Variants in PHACTR2 observed in about 807,000 individuals in gnomAD.
PHACTR2 encodes the protein phosphatase and actin regulator 2, also known as chromosome 6 open reading frame 56.
PHACTR2 carries 30 observed loss-of-function variants against 76.0 expected under a neutral mutation model. The observed-to-expected ratio is 0.39, with a 90% confidence interval of 0.30 to 0.54. PHACTR2 has a LOEUF of 0.54. PHACTR2 is among the 20% of genes least tolerant of loss of function. The probability of loss-of-function intolerance (pLI) is 0.61; values close to 1 mark genes in which losing one functional copy is unlikely to be tolerated. For synonymous variants in PHACTR2, 292 were observed against 292.5 expected (o/e 1.00, Z 0.02); for missense variants, 696 against 781.1 (o/e 0.89, Z 1.30).
intron 1 of PHACTR2, among the ~76,000 whole-genome samples, chr6:143,706,574 A>G (rs1778059272): frequency 6.6e-6 from 1 of 152,146 alleles, no homozygotes; most frequent in Non-Finnish European, 1.5e-5. Flanking sequence ...CCACTCCCGT[A>G]CTTCCTTGTT....
intron 1 of PHACTR2, among the ~76,000 whole-genome samples, chr6:143,682,936 G>A (rs1777430987): frequency 6.6e-6 from 1 of 152,118 alleles, no homozygotes; most frequent in Admixed American, 6.5e-5. Context: ...TGCCTCTATT[G>A]AGGTGATCAT....
chr6:143,732,131 C>A (rs558867441), intron 2 of PHACTR2, among the ~76,000 whole-genome samples: 4 of 152,296 alleles, frequency 2.6e-5, no homozygotes, highest in South Asian at 4.1e-4. Context: ...AATTAAATGG[C>A]CTTGTTGACA....
rs1257730174 is a variant in PHACTR2, at chr6:143,628,950, T to G, written c.13+20628T>G. Among the ~76,000 whole-genome samples, 21 of 53,694 alleles carry G rather than the reference T, an allele frequency of 3.9e-4. 1 individual carries two copies. The highest frequency in any genetic ancestry group is 1.9e-3 in the South Asian group (4 of 2,114). 35.2% of individuals were successfully genotyped at this position (53,694 alleles called of 152,430 possible). A position where few individuals can be genotyped will look rare whatever the true frequency, so the allele number is the denominator to read the frequency against. ...ATATATATATATATATATATATATA[T>G]ATATATATATATATATATATATATA... On this transcript the variant is annotated intron_variant, in intron 1 of 11. Transcript: ENST00000305766.
intron 1 of PHACTR2, among the ~76,000 whole-genome samples, chr6:143,701,142 T>C (rs1777902858): frequency 6.6e-6 from 1 of 152,252 alleles, no homozygotes; most frequent in African/African-American, 2.4e-5. Flanking sequence ...ATGTTGTTCA[T>C]GTCAGTGAAT....
Position 143,733,966 on chromosome 6 carries a change from T to C in PHACTR2, c.215-15019T>C, listed in dbSNP as rs1354100344. On this transcript the variant is annotated intron_variant, in intron 2 of 12. Coordinates refer to ENST00000440869, the MANE Select transcript of PHACTR2 (RefSeq NM_001100164.2). The surrounding 1 kb of genome is among the most constrained non-coding windows in gnomAD (Gnocchi z 4.0). ...GTTAAAACAGATTTCCTCTATGTGC[T>C]CTAAATATAAAGGAGACTAATTATT... Among the ~76,000 whole-genome samples the C allele has an allele frequency of 6.6e-6, 1 of 152,194 alleles. No individual in the cohort carries two copies. The highest frequency in any genetic ancestry group is 1.5e-5 in the Non-Finnish European group (1 of 68,032).
At chr6:143,603,413 T>TA (rs540737549), upstream of PHACTR2, among the ~76,000 whole-genome samples, 13,810 of 139,206 alleles carry the variant, frequency 0.099, 739 homozygotes, top group Non-Finnish European at 0.12. Context: ...TGCTCTGCCT[T>TA]AAAAAAAAAA....
At position 143,783,212 on chromosome 6, in the gene PHACTR2, TAAAC is replaced by T. The variant is rs1775473455; in HGVS notation, c.1646-5_1646-2del. On this transcript the variant is annotated splice_region_variant and splice_polypyrimidine_tract_variant and intron_variant, in intron 9 of 12. Coordinates refer to ENST00000440869, the MANE Select transcript of PHACTR2 (RefSeq NM_001100164.2). The surrounding 1 kb of genome is among the most constrained non-coding windows in gnomAD (Gnocchi z 5.2). Reference sequence around the variant, plus strand: ...TGTCATCACGACTTTCCTCCTTTAATAAACAGAAAAGAATGAAGAAGAGGAACAA... The same window carrying T: ...TGTCATCACGACTTTCCTCCTTTAATAGAAAAGAATGAAGAAGAGGAACAA... The T allele has an allele frequency of 6.3e-7, 1 of 1,590,214 alleles. No homozygotes were observed. Among genetic ancestry groups the T allele is most frequent in the Non-Finnish European group, 8.6e-7 (1 of 1,159,538 alleles).
chr6:143,798,767 G>A (rs1170555127), intron 11 of PHACTR2, among the ~76,000 whole-genome samples: 1 of 152,186 alleles, frequency 6.6e-6, no homozygotes, highest in South Asian at 2.1e-4. Context: ...GCTTTTTGAT[G>A]TTCTGCTGGA....
rs547561554 is a variant in PHACTR2 at position 143,643,471 on chromosome 6, G to A, written c.13+35149G>A. 6.6e-5 allele frequency among the ~76,000 whole-genome samples: 10 copies of A among 152,228 alleles called. No homozygotes were observed. The South Asian group carries it at 2.1e-3, about 32-fold the overall frequency. On this transcript the variant is annotated intron_variant, in intron 1 of 11. Coordinates refer to the PHACTR2 transcript ENST00000305766. ...CAGTAAATTTTAGTAACATTCCTTTGTGAAGTCAAGTCACTGGTTATAACA... is the reference window on the plus strand; with the variant it reads ...CAGTAAATTTTAGTAACATTCCTTTATGAAGTCAAGTCACTGGTTATAACA...
chr6:143,724,749 G>A (rs1413739940), intron 2 of PHACTR2, among the ~76,000 whole-genome samples: 2 of 152,196 alleles, frequency 1.3e-5, no homozygotes, highest in Non-Finnish European at 2.9e-5. Context: ...GTTTGTGCCA[G>A]CTATGTCAAT....
At chr6:143,758,041 C>T (rs1420224857) in intron 4 of PHACTR2, among the ~76,000 whole-genome samples, 2 of 151,986 alleles carry the variant, frequency 1.3e-5, no homozygotes, top group Non-Finnish European at 2.9e-5. Flanking sequence ...TGGTAGCGTT[C>T]GAAGAGTCAA....
chr6:143,718,776 A>C (rs79274004), intron 2 of PHACTR2, among the ~76,000 whole-genome samples: 1 of 152,284 alleles, frequency 6.6e-6, no homozygotes, highest in East Asian at 1.9e-4. Context: ...GGATTTGCTT[A>C]AGGTGATATT....
At chr6:143,551,930 A>C (rs1306303449) in intron 1 of PHACTR2, among the ~76,000 whole-genome samples, 1 of 152,236 alleles carries the variant, frequency 6.6e-6, no homozygotes, top group East Asian at 1.9e-4. Flanking sequence ...ATTTTCCTAC[A>C]TAGCTTTGTT....
rs943659163 is a variant in PHACTR2 at position 143,795,677 on chromosome 6, C to A, written c.1845+6767C>A. Among the ~76,000 whole-genome samples the A allele has an allele frequency of 6.6e-6, 1 of 152,168 alleles. No individual in the cohort carries two copies. Among genetic ancestry groups the A allele is most frequent in the Admixed American group, 6.5e-5 (1 of 15,274 alleles). ...GAGGAGAGAGGGGCAGGCTTTAGAA[C>A]TGGGCACTTCTAGGATGGATTGATC... On this transcript the variant is annotated intron_variant, in intron 11 of 12. Coordinates refer to ENST00000440869, the MANE Select transcript of PHACTR2 (RefSeq NM_001100164.2). This position sits in a 1 kb window ranked among gnomAD's most constrained non-coding sequence, Gnocchi z 4.8.
In PHACTR2 at chr6:143,784,885, C is replaced by T. The variant is rs530338294; in HGVS notation, c.1707+1605C>T. 3.1e-4 allele frequency among the ~76,000 whole-genome samples: 47 copies of T among 152,182 alleles called. No homozygotes were observed. The highest frequency in any genetic ancestry group is 6.8e-3 in the Middle Eastern group (2 of 294). On this transcript the variant is annotated intron_variant, in intron 10 of 12. Transcript: ENST00000440869. This position sits in a 1 kb window ranked among gnomAD's most constrained non-coding sequence, Gnocchi z 4.5. ...ATCACAAGAATAGAATGGGAAAGAC[C>T]GAGCCCCATGATTCAATTACCTCTT...
chr6:143,683,973 G>A lies in PHACTR2; in HGVS notation c.46+5764G>A, dbSNP rs139024965. 5.8e-3 allele frequency among the ~76,000 whole-genome samples: 885 copies of A among 152,220 alleles called. 9 individuals are homozygous for A. The highest frequency in any genetic ancestry group is 0.019 in the African/African-American group (776 of 41,552). Reference sequence around the variant, plus strand: ...TTGAATTTTTCGTGTAATATAACTTGAAAATACTTCCAACTTGTTCTCTTT... The same window carrying A: ...TTGAATTTTTCGTGTAATATAACTTAAAAATACTTCCAACTTGTTCTCTTT... On this transcript the variant is annotated intron_variant, in intron 1 of 12. Coordinates refer to ENST00000440869, the MANE Select transcript of PHACTR2 (RefSeq NM_001100164.2). This position sits in a 1 kb window ranked among gnomAD's most constrained non-coding sequence, Gnocchi z 4.1.
At chr6:143,796,765 G>T (rs1019331905) in intron 11 of PHACTR2, among the ~76,000 whole-genome samples, 1 of 152,180 alleles carries the variant, frequency 6.6e-6, no homozygotes, top group East Asian at 1.9e-4. Flanking sequence ...GCTGCATAGT[G>T]TTCCATGGTG....
chr6:143,561,027 G>A lies in PHACTR2; in HGVS notation c.217+23820G>A, dbSNP rs1358229943. 2 of 152,530 alleles carry A rather than the reference G, an allele frequency of 1.3e-5. No homozygotes were observed. Among genetic ancestry groups the A allele is most frequent in the Admixed American group, 1.3e-4 (2 of 15,252 alleles). 9.4% of individuals were successfully genotyped at this position (152,530 alleles called of 1,614,324 possible). A position where few individuals can be genotyped will look rare whatever the true frequency, so the allele number is the denominator to read the frequency against. On this transcript the variant is annotated intron_variant, in intron 1 of 11. Coordinates refer to the PHACTR2 transcript ENST00000367584. This position sits in a 1 kb window ranked among gnomAD's most constrained non-coding sequence, Gnocchi z 4.1. ...GGGGCTTTAAGTAATAAACTGGCCAGACTCCTGAAGCTGGCTGCTGGGCTG... is the reference window on the plus strand; with the variant it reads ...GGGGCTTTAAGTAATAAACTGGCCAAACTCCTGAAGCTGGCTGCTGGGCTG...
At chr6:143,605,219 C>T (rs1311199983), upstream of PHACTR2, among the ~76,000 whole-genome samples, 1 of 152,026 alleles carries the variant, frequency 6.6e-6, no homozygotes, top group East Asian at 1.9e-4. This position sits in a 1 kb window ranked among gnomAD's most constrained non-coding sequence, Gnocchi z 5.0. Context: ...TCCAAATTAC[C>T]CCAGCCTCAA....
Sources: allele counts gnomAD v4.1 joint callset (sites outside exome capture counted in the v4.1 genomes callset), GRCh38; gene constraint gnomAD v4.1.1; non-coding constraint Gnocchi (gnomAD v3.1); transcripts MANE v1.5; gene names NCBI Gene and HGNC (gene_info 2026-07-23, HGNC 2026-07-21).